FILIP1L: variants seen among roughly 807,000 people sequenced by gnomAD.
The protein encoded by FILIP1L is filamin A-interacting protein 1-like.
In FILIP1L, 55 loss-of-function variants were observed where a neutral mutation model predicts 96.6. That is an observed-to-expected ratio of 0.57 (90% CI 0.46 to 0.71). The LOEUF (loss-of-function observed/expected upper bound fraction) is 0.71. Among genes scored for constraint, FILIP1L ranks in the 30% least tolerant of loss-of-function variants. FILIP1L has a pLI of 0.00. For synonymous variants in FILIP1L, 467 were observed against 473.9 expected, an observed-to-expected ratio of 0.99 and a Z score of 0.19; for missense variants, 1,304 against 1,321.2, an observed-to-expected ratio of 0.99 and a Z score of 0.20.
At chr3:99,896,716 G>A (rs1706266534) in intron 4 of FILIP1L, among the ~76,000 whole-genome samples, 1 of 152,204 alleles carries the variant, frequency 6.6e-6, no homozygotes, top group Non-Finnish European at 1.5e-5. Context: ...TGTTGCCATA[G>A]CAACCGAACC....
chr3:99,897,121 G>T (rs1706280829), intron 4 of FILIP1L, among the ~76,000 whole-genome samples: 1 of 152,096 alleles, frequency 6.6e-6, no homozygotes, highest in Non-Finnish European at 1.5e-5. Flanking sequence ...CATTTTGGGA[G>T]GCAGAGGTGG....
At chr3:99,990,358 C>T (rs1050903167) in intron 1 of FILIP1L, among the ~76,000 whole-genome samples, 4 of 152,114 alleles carry the variant, frequency 2.6e-5, no homozygotes, top group African/African-American at 7.2e-5. Context: ...AATATTGATC[C>T]GTTCAATCTC....
chr3:100,101,459 G>A (rs973311819), intron 1 of FILIP1L, among the ~76,000 whole-genome samples: 1 of 152,168 alleles, frequency 6.6e-6, no homozygotes, highest in East Asian at 1.9e-4. Flanking sequence ...AAAGAAAAAT[G>A]CAGAGAGGCA....
intron 5 of FILIP1L, among the ~76,000 whole-genome samples, chr3:99,834,429 G>C (rs1942812149): frequency 6.6e-6 from 1 of 152,128 alleles, no homozygotes; most frequent in Non-Finnish European, 1.5e-5. Context: ...CTCTCTTTCT[G>C]TGGAAATTAT....
chr3:100,061,254 G>C (rs923889510), intron 1 of FILIP1L, among the ~76,000 whole-genome samples: 1 of 152,168 alleles, frequency 6.6e-6, no homozygotes, highest in Non-Finnish European at 1.5e-5. Flanking sequence ...TGTACACACT[G>C]AGTATGTTTG....
At position 100,076,581 on chromosome 3, in the gene FILIP1L, C is replaced by T. The variant is rs74593333; in HGVS notation, c.-11+37472G>A. Among the ~76,000 whole-genome samples, 573 of 152,268 alleles carry T rather than the reference C, an allele frequency of 3.8e-3. 3 individuals carry two copies. Among genetic ancestry groups the T allele is most frequent in the African/African-American group, 0.013 (530 of 41,542 alleles). On this transcript the variant is annotated intron_variant, in intron 1 of 5. Coordinates refer to ENST00000477258, the MANE Select transcript of FILIP1L (RefSeq NM_001387850.1). ...TCGAGGTTTCATCCCCACTGAATGT[C>T]AGTCTTCTGAGTTATTTTTTCCTGG...
At chr3:100,081,993 T>C (rs2065939378) in intron 1 of FILIP1L, among the ~76,000 whole-genome samples, 1 of 152,200 alleles carries the variant, frequency 6.6e-6, no homozygotes, top group South Asian at 2.1e-4. Flanking sequence ...ATATTTAGAC[T>C]TTAGGCTATC....
chr3:99,858,447 A>G (rs1333821900), intron 4 of FILIP1L, among the ~76,000 whole-genome samples: 1 of 152,228 alleles, frequency 6.6e-6, no homozygotes, highest in East Asian at 1.9e-4. Context: ...CCTGGGCGAC[A>G]CAGCAAGACT....
intron 4 of FILIP1L, among the ~76,000 whole-genome samples, chr3:99,920,964 C>T (rs1707106284): frequency 6.6e-6 from 1 of 152,184 alleles, no homozygotes; most frequent in South Asian, 2.1e-4. Flanking sequence ...TTCAGAGTTT[C>T]AACCAGATAC....
chr3:100,003,766 A>G (rs139876063), intron 1 of FILIP1L, among the ~76,000 whole-genome samples: 5 of 152,172 alleles, frequency 3.3e-5, no homozygotes, highest in Non-Finnish European at 7.3e-5. Context: ...AGATGCTAAA[A>G]GTCAAGAGCA....
rs906696523 is a variant in FILIP1L at position 99,978,873 on chromosome 3, A to G, written c.-10-47843T>C. ...GCACTCCAGCCTGGGCAACAGAGCGAGACTCTTGTTTACAAAAAAAAAAGA... is the reference window on the plus strand; with the variant it reads ...GCACTCCAGCCTGGGCAACAGAGCGGGACTCTTGTTTACAAAAAAAAAAGA... On this transcript the variant is annotated intron_variant, in intron 1 of 5. Coordinates refer to ENST00000477258, the MANE Select transcript of FILIP1L (RefSeq NM_001387850.1). Among the ~76,000 whole-genome samples, 66 of 152,014 alleles carry G rather than the reference A, an allele frequency of 4.3e-4. 3 individuals are homozygous for G. Among genetic ancestry groups the G allele is most frequent in the Admixed American group, 3.9e-3 (59 of 15,264 alleles).
intron 1 of FILIP1L, among the ~76,000 whole-genome samples, chr3:100,019,610 T>C (rs2064769682): frequency 1.3e-5 from 2 of 152,334 alleles, no homozygotes; most frequent in Admixed American, 1.3e-4. Flanking sequence ...TTTTTTCCTC[T>C]AAAATTATTT....
chr3:99,848,869 A>G lies in FILIP1L; in HGVS notation c.2807T>C (p.Ile936Thr). ...SPHSYTSTAV[I>T]PNCGTPKQRI... ...TTGCTTTGGCGTGCCACAGTTCGGT[A>G]TCACTGCAGTACTCGTGTAAGAGTG... is the stretch of plus-strand genomic sequence containing the variant. The change falls in exon 5 of 6, where the codon ATA (isoleucine) becomes ACA (threonine). Residue 936 changes from isoleucine to threonine, a missense_variant. Ile to Thr is a moderately conservative substitution (Grantham distance 89). Coordinates refer to ENST00000477258, the MANE Select transcript of FILIP1L (RefSeq NM_001387850.1). 1 of 1,614,110 alleles carries G rather than the reference A, an allele frequency of 6.2e-7. No homozygotes were observed. The highest frequency in any genetic ancestry group is 1.1e-5 in the South Asian group (1 of 91,052).
rs1373303514 is a variant in FILIP1L, at chr3:99,929,880, G to A, written c.402C>T (p.Asp134=). 6.2e-7 allele frequency: 1 copy of A among 1,613,230 alleles called. No individual in the cohort carries two copies. Among genetic ancestry groups the A allele is most frequent in the Non-Finnish European group, 8.5e-7 (1 of 1,179,680 alleles). The part of the protein sequence containing the change: ...FQAKSTPWQE[D]IYEKPMNELD... ...CCTCATTCATTGGTTTCTCATAGAT[G>A]TCCTCCTGCCAAGGGGTAGATTTCG... The change falls in exon 3 of 6, where the codon GAC becomes GAT. Residue 134 remains aspartate (D), a synonymous_variant. Coordinates refer to ENST00000477258, the MANE Select transcript of FILIP1L (RefSeq NM_001387850.1).
At chr3:100,064,959 A>G (rs1337717499) in intron 1 of FILIP1L, among the ~76,000 whole-genome samples, 1 of 152,240 alleles carries the variant, frequency 6.6e-6, no homozygotes, top group Non-Finnish European at 1.5e-5. Context: ...CTACTAACAT[A>G]TGTTAAACAC....
intron 1 of FILIP1L, among the ~76,000 whole-genome samples, chr3:100,111,198 T>G (rs1294555571): frequency 6.6e-6 from 1 of 152,032 alleles, no homozygotes; most frequent in Non-Finnish European, 1.5e-5. Flanking sequence ...AGAAGGGCAA[T>G]GGAGGCAGAA....
In FILIP1L at chr3:100,025,272, C is replaced by A. The variant is rs148641085; in HGVS notation, c.-11+88781G>T. Among the ~76,000 whole-genome samples, 1,094 of 152,290 alleles carry A rather than the reference C, an allele frequency of 7.2e-3. 4 individuals carry two copies. The highest frequency in any genetic ancestry group is 1.0e-2 in the African/African-American group (414 of 41,570). ...GCTATTTTTGTTGGTCTAAAGGGCACAGGCCTCTGAAACAAAACTGCTTTT... is the reference window on the plus strand; with the variant it reads ...GCTATTTTTGTTGGTCTAAAGGGCAAAGGCCTCTGAAACAAAACTGCTTTT... On this transcript the variant is annotated intron_variant, in intron 1 of 5. Transcript: ENST00000477258.
intron 1 of FILIP1L, among the ~76,000 whole-genome samples, chr3:100,074,675 A>ATTTTTTTTT (rs555819875): frequency 0.02 from 698 of 34,796 alleles, 283 homozygotes; most frequent in East Asian, 0.028. Context: ...GCAACATTTG[A>ATTTTTTTTT]TTTTTTTTTT....
intron 4 of FILIP1L, among the ~76,000 whole-genome samples, chr3:99,869,232 G>GGACTTTAA (rs762989035): frequency 6.6e-6 from 1 of 152,136 alleles, no homozygotes; most frequent in Non-Finnish European, 1.5e-5. Flanking sequence ...GGGGAAAATT[G>GGACTTTAA]GCCAGAGAAT....
Sources: allele counts gnomAD v4.1 joint callset (sites outside exome capture counted in the v4.1 genomes callset), GRCh38; gene constraint gnomAD v4.1.1; transcripts MANE v1.5; gene names NCBI Gene and HGNC (gene_info 2026-07-23, HGNC 2026-07-21).